VAPA: variants seen among roughly 807,000 people sequenced by gnomAD.
VAPA encodes VAMP associated protein A.
VAPA carries 6 observed loss-of-function variants against 25.6 expected under a neutral mutation model. That is an observed-to-expected ratio of 0.23 (90% CI 0.13 to 0.46). The LOEUF is 0.46. VAPA is among the 20% of genes least tolerant of loss of function. The pLI is 0.99. For missense variants in VAPA, 244 were observed against 302.1 expected (o/e 0.81, Z 1.43); for synonymous variants, 112 against 106.2 (o/e 1.05, Z -0.34).
At chr18:9,928,573 G>T (rs1026979175) in intron 1 of VAPA, among the ~76,000 whole-genome samples, 1 of 151,990 alleles carries the variant, frequency 6.6e-6, no homozygotes, top group Admixed American at 6.6e-5. Context: ...TAATTCAGGG[G>T]TTCTTAACTC....
rs1206695527 is a variant in VAPA at position 9,957,840 on chromosome 18, CTA to C, written c.*3631_*3632del. 6.6e-6 allele frequency: 1 copy of C among 152,178 alleles called. No homozygotes were observed. Among genetic ancestry groups the C allele is most frequent in the African/African-American group, 2.4e-5 (1 of 41,442 alleles). The allele number at this position is 152,178 out of a possible 1,614,324, so 9.4% of individuals were successfully genotyped here. On this transcript the variant is annotated 3_prime_UTR_variant, in exon 6 of 6. Coordinates refer to ENST00000400000, the MANE Select transcript of VAPA (RefSeq NM_194434.3). ...CTCTTGCTTAGTGAGATGGAGTTAA[CTA>C]TTTTTTAGTAGGAAGTGAGAACAGC... is the stretch of plus-strand genomic sequence containing the variant.
At chr18:9,933,468 G>A (rs1302275672) in intron 2 of VAPA, among the ~76,000 whole-genome samples, 1 of 152,198 alleles carries the variant, frequency 6.6e-6, no homozygotes, top group African/African-American at 2.4e-5. Flanking sequence ...TAAAGATGAA[G>A]GAATGCATGC....
In VAPA at chr18:9,937,105, G is replaced by T. The variant is rs1457448788; in HGVS notation, c.417+39G>T. On this transcript the variant is annotated intron_variant, in intron 4 of 5. Transcript: ENST00000400000. ...TGTAAAAAAAATTGGGAGCTGTTGAGCTCTCAGTTCCTTTGATTAATTTTG... is the reference window on the plus strand; with the variant it reads ...TGTAAAAAAAATTGGGAGCTGTTGATCTCTCAGTTCCTTTGATTAATTTTG... 3.2e-6 allele frequency: 5 copies of T among 1,545,080 alleles called. No homozygotes were observed. The African/African-American group carries it at 6.8e-5, about 21-fold the overall frequency.
intron 4 of VAPA, among the ~76,000 whole-genome samples, chr18:9,943,620 A>G (rs2069387970): frequency 6.6e-6 from 1 of 152,062 alleles, no homozygotes; most frequent in African/African-American, 2.4e-5. Flanking sequence ...CTCTGTTTGG[A>G]TTGTCAGCTC....
At chr18:9,937,152 G>A (rs1388886481) in intron 4 of VAPA, 86 bp downstream of exon 4, 1 of 1,115,810 alleles carries the variant, frequency 9.0e-7, no homozygotes, top group South Asian at 1.4e-5. Context: ...GACCTTTGAG[G>A]TATGTGTGAT....
In VAPA at chr18:9,955,734, C is replaced by T; in HGVS notation, c.*1523C>T. On this transcript the variant is annotated 3_prime_UTR_variant, in exon 6 of 6. Coordinates refer to ENST00000400000, the MANE Select transcript of VAPA (RefSeq NM_194434.3). ...ACTGTGTTTTGAATTTGTCAGATCACACATATATTGTGTTATTGGGCGCTG... is the reference window on the plus strand; with the variant it reads ...ACTGTGTTTTGAATTTGTCAGATCATACATATATTGTGTTATTGGGCGCTG... 6.6e-6 allele frequency: 1 copy of T among 152,180 alleles called. No individual in the cohort carries two copies. The highest frequency in any genetic ancestry group is 1.9e-4 in the East Asian group (1 of 5,200). The allele number at this position is 152,180 out of a possible 1,614,324, so 9.4% of individuals were successfully genotyped here. A position where few individuals can be genotyped will look rare whatever the true frequency, so the allele number is the denominator to read the frequency against.
chr18:9,951,629 C>A (rs1371005555), intron 5 of VAPA, among the ~76,000 whole-genome samples: 3 of 152,196 alleles, frequency 2.0e-5, no homozygotes, highest in Admixed American at 2.0e-4. Flanking sequence ...TTACTTGTTT[C>A]AAGACCTAAA....
At chr18:9,945,057 AG>A in intron 4 of VAPA, 1 of 1,613,848 alleles carries the variant, frequency 6.2e-7, no homozygotes, top group South Asian at 1.1e-5. Flanking sequence ...GAGAAACAGA[AG>A]GTTTGTTATA....
chr18:9,919,859 A>G (rs146221755), intron 1 of VAPA, among the ~76,000 whole-genome samples: 1 of 152,300 alleles, frequency 6.6e-6, no homozygotes, highest in East Asian at 1.9e-4. Context: ...AGCAATGTAA[A>G]ATTATACTAG....
chr18:9,927,836 T>C (rs2069214615), intron 1 of VAPA, among the ~76,000 whole-genome samples: 1 of 152,112 alleles, frequency 6.6e-6, no homozygotes, highest in Non-Finnish European at 1.5e-5. Flanking sequence ...GGAGTAGGAT[T>C]TTGGCTTAAT....
At chr18:9,943,900 A>G (rs1418502065) in intron 4 of VAPA, among the ~76,000 whole-genome samples, 2 of 105,884 alleles carry the variant, frequency 1.9e-5, no homozygotes, top group Non-Finnish European at 3.4e-5. Flanking sequence ...TCGCTCTGTC[A>G]CCCAGGCTGG....
rs995985027 is a variant in VAPA at position 9,956,811 on chromosome 18, A to G, written c.*2600A>G. 1.3e-5 allele frequency: 2 copies of G among 152,232 alleles called. No homozygotes were observed. The highest frequency in any genetic ancestry group is 4.8e-5 in the African/African-American group (2 of 41,436). The allele number at this position is 152,232 out of a possible 1,614,324, so 9.4% of individuals were successfully genotyped here. ...ATGAGGGAAATACACTGTTGCTAATACTGAAATTACAATCAAGTAACTAAG... is the reference window on the plus strand; with the variant it reads ...ATGAGGGAAATACACTGTTGCTAATGCTGAAATTACAATCAAGTAACTAAG... On this transcript the variant is annotated 3_prime_UTR_variant, in exon 6 of 6. Coordinates refer to ENST00000400000, the MANE Select transcript of VAPA (RefSeq NM_194434.3).
chr18:9,924,295 G>A (rs1050852674), intron 1 of VAPA, among the ~76,000 whole-genome samples: 13 of 152,020 alleles, frequency 8.6e-5, no homozygotes, highest in African/African-American at 1.2e-4. Context: ...TGGACCGCTC[G>A]TTTCTATTTT....
chr18:9,930,478 G>A (rs2069242727), intron 1 of VAPA, among the ~76,000 whole-genome samples: 1 of 152,034 alleles, frequency 6.6e-6, no homozygotes, highest in Non-Finnish European at 1.5e-5. Context: ...GCCATTTTGT[G>A]GATTCATGTA....
chr18:9,943,841 C>CTTTTTTTTTTTTT lies in VAPA; in HGVS notation c.418-6529_418-6517dup, dbSNP rs71169911. Among the ~76,000 whole-genome samples the CTTTTTTTTTTTTT allele has an allele frequency of 6.0e-4, 31 of 51,770 alleles. 9 individuals are homozygous for CTTTTTTTTTTTTT. The highest frequency in any genetic ancestry group is 1.0e-3 in the African/African-American group (16 of 15,570). 34.0% of individuals were successfully genotyped at this position (51,770 alleles called of 152,430 possible). ...TGACATTTGAAGGTGACATATTTCC[C>CTTTTTTTTTTTTT]TTTTTTTTTTTTTTTTTTTTTTTTT... On this transcript the variant is annotated intron_variant, in intron 4 of 5. Transcript: ENST00000400000.
intron 4 of VAPA, among the ~76,000 whole-genome samples, chr18:9,943,489 A>C (rs1019477167): frequency 1.3e-5 from 2 of 152,136 alleles, no homozygotes; most frequent in Non-Finnish European, 2.9e-5. Flanking sequence ...TAGTGTCTTC[A>C]GTTGAGTTGT....
intron 1 of VAPA, among the ~76,000 whole-genome samples, chr18:9,918,316 G>A (rs926812552): frequency 1.3e-5 from 2 of 152,116 alleles, no homozygotes; most frequent in African/African-American, 4.8e-5. Flanking sequence ...TTTCTAGTAT[G>A]TGTCTCTCCC....
At chr18:9,952,950 TTTAG>T (rs2069505742) in intron 5 of VAPA, among the ~76,000 whole-genome samples, 2 of 152,330 alleles carry the variant, frequency 1.3e-5, no homozygotes, top group African/African-American at 4.8e-5. Context: ...GGTGTACTCT[TTTAG>T]TTAGTGTTTA....
At chr18:9,945,350 CTTTTTTTTTTTTTTT>C (rs869048248) in intron 4 of VAPA, among the ~76,000 whole-genome samples, 29 of 57,316 alleles carry the variant, frequency 5.1e-4, no homozygotes, top group Middle Eastern at 0.021. Context: ...GGAATATACT[CTTTTTTTTTTTTTTT>C]TTTTTTTTTT....
Sources: gnomAD v4.1 joint callset for allele counts (sites outside exome capture counted in the v4.1 genomes callset) on GRCh38, gnomAD v4.1.1 for gene constraint, MANE v1.5 for transcripts, NCBI Gene and HGNC (gene_info 2026-07-23, HGNC 2026-07-21) for gene names.